Variants in DPYD observed in about 807,000 individuals in gnomAD.
The protein encoded by DPYD is dihydropyrimidine dehydrogenase [NADP(+)].
DPYD carries 109 observed loss-of-function variants against 116.2 expected under a neutral mutation model. That is an observed-to-expected ratio of 0.94 (90% confidence interval 0.80 to 1.10). The LOEUF is 1.10. Ranked by LOEUF, DPYD falls within the 50% of genes least tolerant of loss-of-function variation. The probability of loss-of-function intolerance (pLI) is 0.00; values close to 1 mark genes in which losing one functional copy is unlikely to be tolerated. For synonymous variants in DPYD, 440 were observed against 432.0 expected (o/e 1.02, Z -0.23); for missense variants, 1,302 against 1,254.5 (o/e 1.04, Z -0.57).
chr1:97,155,216 T>G (rs1431039248), intron 20 of DPYD, among the ~76,000 whole-genome samples: 1 of 152,222 alleles, frequency 6.6e-6, no homozygotes, highest in Non-Finnish European at 1.5e-5. Context: ...TTCTATTTGA[T>G]TTCACTACTA....
intron 8 of DPYD, among the ~76,000 whole-genome samples, chr1:97,601,223 T>C (rs74105269): frequency 0.013 from 1,995 of 152,184 alleles, 24 homozygotes; most frequent in Middle Eastern, 0.024. Context: ...CAGGGTTCTT[T>C]GGAAAATTAG....
chr1:97,678,165 C>G (rs1660245577), intron 8 of DPYD, among the ~76,000 whole-genome samples: 1 of 152,134 alleles, frequency 6.6e-6, no homozygotes, highest in African/African-American at 2.4e-5. Context: ...TACAGATTCT[C>G]ATAAGGAGCA....
intron 7 of DPYD, among the ~76,000 whole-genome samples, chr1:97,687,626 G>T (rs1660804204): frequency 6.6e-6 from 1 of 152,140 alleles, no homozygotes; most frequent in Non-Finnish European, 1.5e-5. Context: ...CCATTTTTGG[G>T]TATATGCCCA....
chr1:97,569,384 T>C (rs929331312), intron 11 of DPYD, among the ~76,000 whole-genome samples: 2 of 148,940 alleles, frequency 1.3e-5, no homozygotes, highest in Non-Finnish European at 3.0e-5. Flanking sequence ...CATCCTATAT[T>C]AGGAAATATA....
intron 12 of DPYD, among the ~76,000 whole-genome samples, chr1:97,540,652 T>C (rs1225416652): frequency 6.6e-6 from 1 of 152,172 alleles, no homozygotes; most frequent in African/African-American, 2.4e-5. Context: ...GGAAAGTTCA[T>C]TACATAGGCA....
chr1:97,225,432 T>C (rs984854678), intron 19 of DPYD, among the ~76,000 whole-genome samples: 4 of 152,032 alleles, frequency 2.6e-5, no homozygotes, highest in Non-Finnish European at 4.4e-5. Context: ...CTCAAAGATA[T>C]TTACTCGGGT....
intron 20 of DPYD, among the ~76,000 whole-genome samples, chr1:97,163,249 A>C (rs879524301): frequency 2.6e-5 from 4 of 152,242 alleles, no homozygotes; most frequent in African/African-American, 4.8e-5. Context: ...AAGGGCTAAT[A>C]TCCAGAATCT....
chr1:97,834,645 C>T (rs1438933520), intron 2 of DPYD, among the ~76,000 whole-genome samples: 2 of 151,990 alleles, frequency 1.3e-5, no homozygotes, highest in East Asian at 3.9e-4. Context: ...AATTCTAAGG[C>T]AGTTCAATGT....
intron 14 of DPYD, among the ~76,000 whole-genome samples, chr1:97,439,453 C>A (rs1006817783): frequency 2.0e-5 from 3 of 152,106 alleles, no homozygotes; most frequent in African/African-American, 7.2e-5. Context: ...AGTTTGTGTC[C>A]TTCAAGGAAA....
At chr1:97,258,548 G>T (rs1203895984) in intron 18 of DPYD, among the ~76,000 whole-genome samples, 1 of 152,072 alleles carries the variant, frequency 6.6e-6, no homozygotes, top group Non-Finnish European at 1.5e-5. Context: ...CCTCCCTGAT[G>T]TCTATTTCCC....
chr1:97,444,998 G>C (rs1675999760), intron 14 of DPYD, among the ~76,000 whole-genome samples: 1 of 152,132 alleles, frequency 6.6e-6, no homozygotes, highest in African/African-American at 2.4e-5. Context: ...GGCATGCCAG[G>C]CAAAGGTAAA....
At chr1:97,302,963 C>T (rs997992408) in intron 18 of DPYD, among the ~76,000 whole-genome samples, 7 of 151,932 alleles carry the variant, frequency 4.6e-5, no homozygotes, top group African/African-American at 1.7e-4. Context: ...GCTGAGATCC[C>T]GTTTTCCCAA....
intron 12 of DPYD, among the ~76,000 whole-genome samples, chr1:97,537,304 A>C (rs1650077949): frequency 6.6e-6 from 1 of 152,238 alleles, no homozygotes. Flanking sequence ...CTTACAACCC[A>C]GCATTGTGGA....
chr1:97,763,937 A>G (rs1665715003), intron 3 of DPYD, among the ~76,000 whole-genome samples: 1 of 152,074 alleles, frequency 6.6e-6, no homozygotes, highest in Non-Finnish European at 1.5e-5. Flanking sequence ...TCTTCCAGTC[A>G]GGTCACAATT....
intron 20 of DPYD, among the ~76,000 whole-genome samples, chr1:97,110,599 C>A (rs1170636419): frequency 6.6e-6 from 1 of 152,124 alleles, no homozygotes; most frequent in Non-Finnish European, 1.5e-5. Context: ...ATTTCTGTGA[C>A]CCTACAGCCA....
intron 3 of DPYD, among the ~76,000 whole-genome samples, chr1:97,822,552 T>C (rs1482769398): frequency 6.6e-6 from 1 of 151,856 alleles, no homozygotes; most frequent in Non-Finnish European, 1.5e-5. Context: ...TATGCATAAT[T>C]TCTATGGCTT....
intron 14 of DPYD, chr1:97,419,994 T>G (rs1448457081): frequency 6.6e-6 from 1 of 152,238 alleles, no homozygotes. Flanking sequence ...ATAAATGTTA[T>G]GTAACCACTT....
chr1:97,706,074 T>A (rs1040328854), intron 5 of DPYD, among the ~76,000 whole-genome samples: 2 of 151,976 alleles, frequency 1.3e-5, no homozygotes, highest in African/African-American at 4.8e-5. Flanking sequence ...AAGAAATGTA[T>A]AACTGAAAAA....
At chr1:97,310,803 A>G (rs1028743813) in intron 16 of DPYD, among the ~76,000 whole-genome samples, 2 of 151,774 alleles carry the variant, frequency 1.3e-5, no homozygotes. Context: ...GCACATGAAT[A>G]CTCACAGAAA....
Sources: gnomAD v4.1 joint callset for allele counts (sites outside exome capture counted in the v4.1 genomes callset) on GRCh38, gnomAD v4.1.1 for gene constraint, MANE v1.5 for transcripts, NCBI Gene and HGNC (gene_info 2026-07-23, HGNC 2026-07-21) for gene names.